Variants in SLC2A5 observed in about 807,000 individuals in gnomAD.
SLC2A5 encodes the protein solute carrier family 2, facilitated glucose transporter member 5.
Under a neutral mutation model 50.3 loss-of-function variants are expected in SLC2A5, and 56 were observed. The observed-to-expected ratio is 1.11, with a 90% confidence interval of 0.90 to 1.39. The LOEUF (loss-of-function observed/expected upper bound fraction) is 1.39. Among genes scored for constraint, SLC2A5 ranks in the 40% most tolerant of loss-of-function variants. The probability of loss-of-function intolerance (pLI) is 0.00; values close to 1 mark genes in which losing one functional copy is unlikely to be tolerated. For missense variants in SLC2A5, 566 were observed against 650.1 expected (o/e 0.87, Z 1.41); for synonymous variants, 269 against 281.9 (o/e 0.95, Z 0.46).
upstream of SLC2A5, among the ~76,000 whole-genome samples, chr1:9,092,834 A>G (rs561414223): frequency 2.0e-4 from 30 of 152,298 alleles, 1 homozygote; most frequent in South Asian, 6.0e-3. Flanking sequence ...TATCAACCTC[A>G]GTCTTCAGGA....
At chr1:9,063,532 C>G (rs1481466294) in intron 1 of SLC2A5, among the ~76,000 whole-genome samples, 1 of 151,274 alleles carries the variant, frequency 6.6e-6, no homozygotes, top group Non-Finnish European at 1.5e-5. Flanking sequence ...GCCACCACGC[C>G]TGGCTAATTT....
At chr1:9,073,294 C>T (rs76664608), upstream of SLC2A5, among the ~76,000 whole-genome samples, 53 of 152,346 alleles carry the variant, frequency 3.5e-4, no homozygotes, top group East Asian at 9.8e-3. Flanking sequence ...ACAAGACCTG[C>T]GGCTGCCCAA....
At chr1:9,049,202 TGGAGCTCCAGCA>T in intron 3 of SLC2A5, 1 of 456,014 alleles carries the variant, frequency 2.2e-6, no homozygotes, top group Admixed American at 2.3e-5. Context: ...TGTCAGCGAG[TGGAGCTCCAGCA>T]TTCCTAAACA....
chr1:9,044,414 T>A (rs887242082), intron 4 of SLC2A5, among the ~76,000 whole-genome samples: 2 of 152,192 alleles, frequency 1.3e-5, no homozygotes, highest in African/African-American at 4.8e-5. Context: ...AGTTGATTAG[T>A]AACAAATCAG....
intron 11 of SLC2A5, 32 bp from the exon 12 acceptor site, chr1:9,037,821 G>A (rs895726484): frequency 2.5e-6 from 4 of 1,613,826 alleles, no homozygotes; most frequent in Admixed American, 3.3e-5. Context: ...ACACGTGTGG[G>A]ACGTGGTTTG....
intron 2 of SLC2A5, among the ~76,000 whole-genome samples, chr1:9,084,357 G>C (rs1642383946): frequency 6.6e-6 from 1 of 152,164 alleles, no homozygotes; most frequent in South Asian, 2.1e-4. Context: ...CTCTTGAGTA[G>C]GCCCGAACTC....
At chr1:9,042,765 C>T (rs1641340185) in intron 4 of SLC2A5, among the ~76,000 whole-genome samples, 1 of 151,772 alleles carries the variant, frequency 6.6e-6, no homozygotes, top group African/African-American at 2.4e-5. Flanking sequence ...CCAGCTTTAC[C>T]TTATAGGAAC....
Position 9,052,967 on chromosome 1 carries a change from A to C in SLC2A5, c.293+4481T>G, listed in dbSNP as rs1034403735. On this transcript the variant is annotated intron_variant, in intron 3 of 11. Transcript: ENST00000377424. ...GGCGACAGAGTAAGACCATATTTCA[A>C]AAAAAAATATATATATATATATGTT... Among the ~76,000 whole-genome samples the C allele has an allele frequency of 3.8e-4, 6 of 15,632 alleles. No homozygotes were observed. The Admixed American group carries it at 4.1e-3, about 11-fold the overall frequency. The allele number at this position is 15,632 out of a possible 152,430, so 10.3% of individuals were successfully genotyped here. A position where few individuals can be genotyped will look rare whatever the true frequency, so the allele number is the denominator to read the frequency against.
rs1641467332 is a variant in SLC2A5 at position 9,047,609 on chromosome 1, C to T, written c.418+1G>A. The T allele has an allele frequency of 1.2e-6, 2 of 1,613,312 alleles. No homozygotes were observed. Among genetic ancestry groups the T allele is most frequent in the South Asian group, 2.2e-5 (2 of 91,012 alleles). ...TGGCAATACAGCATAGCATTGTTTA[C>T]CTGCACATATTCCCACCAAAAGTCT... On this transcript the variant is annotated splice_donor_variant, in intron 4 of 11. Coordinates refer to ENST00000377424, the MANE Select transcript of SLC2A5 (RefSeq NM_003039.3). LOFTEE classifies it high-confidence loss of function.
chr1:9,086,693 G>T (rs1168433083), intron 1 of SLC2A5, among the ~76,000 whole-genome samples: 2 of 152,036 alleles, frequency 1.3e-5, no homozygotes, highest in African/African-American at 4.8e-5. Context: ...ACCTGGCTGA[G>T]GTTAGGGATT....
intron 2 of SLC2A5, among the ~76,000 whole-genome samples, chr1:9,083,408 G>A (rs767922527): frequency 6.6e-6 from 1 of 152,216 alleles, no homozygotes; most frequent in African/African-American, 2.4e-5. Context: ...TGTTGAAATA[G>A]CTGCAGAAGT....
chr1:9,084,080 A>C (rs1318226237), intron 2 of SLC2A5, among the ~76,000 whole-genome samples: 8 of 148,634 alleles, frequency 5.4e-5, no homozygotes, highest in African/African-American at 1.5e-4. Context: ...GGAGGCGGAG[A>C]TTGCAGTGAG....
intron 1 of SLC2A5, among the ~76,000 whole-genome samples, chr1:9,059,978 AACATACTACACACACACACACACACACAC>A (rs1641868161): frequency 2.9e-5 from 4 of 138,204 alleles, no homozygotes; most frequent in African/African-American, 1.2e-4. Flanking sequence ...GAAGAGCAAA[AACATACTACACACACACACACACACACAC>A]ACACACTACA....
upstream of SLC2A5, among the ~76,000 whole-genome samples, chr1:9,074,312 GA>G: frequency 6.6e-6 from 1 of 152,258 alleles, no homozygotes; most frequent in Non-Finnish European, 1.5e-5. Flanking sequence ...GAAAAAAGCA[GA>G]ATCTCAGAAA....
intron 1 of SLC2A5, among the ~76,000 whole-genome samples, chr1:9,069,259 C>T (rs1642162175): frequency 6.6e-6 from 1 of 152,352 alleles, no homozygotes; most frequent in African/African-American, 2.4e-5. Flanking sequence ...CATTCAGTTA[C>T]AGATCCTGCT....
Position 9,039,692 on chromosome 1 carries a change from G to A in SLC2A5, c.886-30C>T, listed in dbSNP as rs1373056583. ...AAGGCAAGCGCGGGGCTGGGCGGCT[G>A]CCCGGAGGAGGCGGCCTCGGCGCCA... On this transcript the variant is annotated intron_variant, in intron 7 of 11. Transcript: ENST00000377424. The A allele has an allele frequency of 1.7e-5, 25 of 1,478,048 alleles. No homozygotes were observed. The East Asian group carries it at 6.4e-4, about 38-fold the overall frequency. The allele number at this position is 1,478,048 out of a possible 1,614,324, so 91.6% of individuals were successfully genotyped here. A position where few individuals can be genotyped will look rare whatever the true frequency, so the allele number is the denominator to read the frequency against.
At chr1:9,092,267 C>T (rs1168531123), upstream of SLC2A5, among the ~76,000 whole-genome samples, 1 of 152,158 alleles carries the variant, frequency 6.6e-6, no homozygotes, top group Non-Finnish European at 1.5e-5. Flanking sequence ...AACACAACAA[C>T]TAACCACAGT....
At position 9,057,477 on chromosome 1, in the gene SLC2A5, C is replaced by T. The variant is rs1230233785; in HGVS notation, c.264G>A (p.Leu88=). Residue 88 remains leucine (L), a synonymous_variant, in exon 3 of 12, where the codon CTG becomes CTA. Transcript: ENST00000377424. ...CAAATTTATTCACCAAGGGGCCGAC[C>T]AGGAGGGATCCGATAAACCCTCCAA... The part of the protein sequence containing the change: ...FPFGGFIGSL[L]VGPLVNKFGR... The T allele has an allele frequency of 6.2e-7, 1 of 1,613,724 alleles. No individual in the cohort carries two copies. The highest frequency in any genetic ancestry group is 2.2e-5 in the East Asian group (1 of 44,872).
chr1:9,059,867 G>T (rs1473323006), intron 1 of SLC2A5, among the ~76,000 whole-genome samples: 8 of 151,880 alleles, frequency 5.3e-5, no homozygotes, highest in Admixed American at 2.6e-4. Context: ...TAAGTGAGGA[G>T]CCAGAAAGGG....
Sources: allele counts gnomAD v4.1 joint callset (sites outside exome capture counted in the v4.1 genomes callset), GRCh38; gene constraint gnomAD v4.1.1; transcripts MANE v1.5; gene names NCBI Gene and HGNC (gene_info 2026-07-23, HGNC 2026-07-21).